OCA2: variants seen among roughly 807,000 people sequenced by gnomAD.
The protein encoded by OCA2 is OCA2 melanosomal transmembrane protein.
OCA2 carries 77 observed loss-of-function variants against 100.2 expected under a neutral mutation model. The ratio of observed to expected loss-of-function variants is 0.77; its 90% confidence interval spans 0.64 to 0.93. OCA2 has a LOEUF of 0.93. Ranked by LOEUF, OCA2 falls within the 40% of genes least tolerant of loss-of-function variation. OCA2 has a pLI of 0.00. For missense variants in OCA2, 1,062 were observed against 1,089.1 expected (o/e 0.98, Z 0.35); for synonymous variants, 432 against 439.2 (o/e 0.98, Z 0.21).
At chr15:27,799,776 A>T (rs1413258632) in intron 23 of OCA2, among the ~76,000 whole-genome samples, 1 of 151,990 alleles carries the variant, frequency 6.6e-6, no homozygotes, top group Non-Finnish European at 1.5e-5. Flanking sequence ...GCAAAAATTG[A>T]ACAGAAATCT....
At chr15:27,965,135 G>C (rs1167957414) in intron 15 of OCA2, among the ~76,000 whole-genome samples, 1 of 152,148 alleles carries the variant, frequency 6.6e-6, no homozygotes, top group African/African-American at 2.4e-5. Context: ...GGCTGGCATA[G>C]TTGGGCAGGA....
intron 1 of OCA2, among the ~76,000 whole-genome samples, chr15:28,092,560 C>T (rs187655441): frequency 1.5e-4 from 23 of 152,156 alleles, no homozygotes; most frequent in South Asian, 1.2e-3. Context: ...ACTATGGTGC[C>T]CAGTCTGGTC....
intron 9 of OCA2, among the ~76,000 whole-genome samples, chr15:28,001,641 T>C (rs766446507): frequency 1.3e-5 from 2 of 152,138 alleles, no homozygotes; most frequent in East Asian, 1.9e-4. Context: ...GGAGGAAGGG[T>C]GCAGGAAAAA....
intron 23 of OCA2, among the ~76,000 whole-genome samples, chr15:27,829,897 C>G (rs1056297053): frequency 2.0e-5 from 3 of 152,156 alleles, no homozygotes; most frequent in African/African-American, 7.2e-5. Flanking sequence ...CCCTCTAGGA[C>G]TATCACACAC....
chr15:27,849,169 G>A (rs2035653537), intron 22 of OCA2, among the ~76,000 whole-genome samples: 1 of 145,664 alleles, frequency 6.9e-6, no homozygotes, highest in Admixed American at 6.7e-5. Flanking sequence ...ATGCTGCCTG[G>A]ATTGGTGTGA....
At chr15:27,882,042 C>G (rs111408124) in intron 19 of OCA2, among the ~76,000 whole-genome samples, 2,367 of 152,220 alleles carry the variant, frequency 0.016, 54 homozygotes, top group African/African-American at 0.05. Flanking sequence ...ACTGCTTTAG[C>G]TGCATCCCAG....
the OCA2 span, among the ~76,000 whole-genome samples, chr15:27,730,159 C>A: frequency 1.3e-5 from 2 of 152,202 alleles, no homozygotes; most frequent in African/African-American, 4.8e-5. Flanking sequence ...TCACACAGCT[C>A]CTCCTCTGGT....
chr15:27,785,967 A>G (rs1339780978), intron 23 of OCA2, among the ~76,000 whole-genome samples: 1 of 152,252 alleles, frequency 6.6e-6, no homozygotes, highest in Non-Finnish European at 1.5e-5. Flanking sequence ...GCATTACGCT[A>G]AGTGAAAGAA....
In OCA2 at chr15:27,985,149, TG is replaced by T; in HGVS notation, c.1278del (p.Ile427SerfsTer26). 1.9e-6 allele frequency: 3 copies of T among 1,613,956 alleles called. No individual in the cohort carries two copies. The highest frequency in any genetic ancestry group is 2.5e-6 in the Non-Finnish European group (3 of 1,180,014). On this transcript the variant is annotated frameshift_variant, in exon 13 of 24. Transcript: ENST00000354638. LOFTEE classifies it high-confidence loss of function. ...RLSRGRVWAM[I>X]IMLCLIAAVL... ...ACGGCCGCGATGAGACAGAGCATGA[TG>T]ATCATGGCCCACACCCGTCCCCGGG...
At chr15:28,092,410 C>A (rs2044885503) in intron 1 of OCA2, among the ~76,000 whole-genome samples, 1 of 152,154 alleles carries the variant, frequency 6.6e-6, no homozygotes, top group Admixed American at 6.5e-5. Flanking sequence ...GGCTGGAGTG[C>A]AGTGGTGCAA....
intron 23 of OCA2, among the ~76,000 whole-genome samples, chr15:27,765,469 G>A (rs2031184599): frequency 1.3e-5 from 2 of 152,180 alleles, no homozygotes; most frequent in African/African-American, 2.4e-5. Flanking sequence ...AATCACTCAA[G>A]CACCTGGACC....
chr15:27,719,693 T>A, the OCA2 span, among the ~76,000 whole-genome samples: 9 of 152,230 alleles, frequency 5.9e-5, no homozygotes, highest in African/African-American at 2.2e-4. Context: ...TCTTAGTCCA[T>A]TTTGCATTGC....
intron 8 of OCA2, among the ~76,000 whole-genome samples, chr15:28,015,528 T>C (rs2042363854): frequency 6.6e-6 from 1 of 152,140 alleles, no homozygotes; most frequent in Non-Finnish European, 1.5e-5. Flanking sequence ...GTTATGGGGA[T>C]GACTCCTAAT....
At chr15:28,090,334 A>G (rs1008521177) in intron 1 of OCA2, among the ~76,000 whole-genome samples, 3 of 152,374 alleles carry the variant, frequency 2.0e-5, no homozygotes, top group African/African-American at 7.2e-5. Flanking sequence ...GAACTGAACA[A>G]CACCATCAAC....
intron 4 of OCA2, among the ~76,000 whole-genome samples, chr15:28,026,451 G>A (rs2042749491): frequency 6.6e-6 from 1 of 152,114 alleles, no homozygotes; most frequent in Admixed American, 6.5e-5. Flanking sequence ...ATCTCATAGC[G>A]GATTCATTGG....
At chr15:27,727,900 C>T in the OCA2 span, among the ~76,000 whole-genome samples, 3 of 152,218 alleles carry the variant, frequency 2.0e-5, no homozygotes, top group African/African-American at 7.2e-5. Flanking sequence ...TCTGCAAAGT[C>T]TCCTTTGCTG....
At chr15:27,990,729 G>T in intron 9 of OCA2, 82 bp from the exon 10 acceptor site, 1 of 1,140,138 alleles carries the variant, frequency 8.8e-7, no homozygotes, top group South Asian at 1.2e-5. Context: ...ACATGAGGGG[G>T]TCTATATCTG....
At chr15:28,080,530 G>T (rs190225839) in intron 2 of OCA2, among the ~76,000 whole-genome samples, 1 of 152,346 alleles carries the variant, frequency 6.6e-6, no homozygotes, top group African/African-American at 2.4e-5. Flanking sequence ...CTTGCAAAAG[G>T]ACAGCATAGA....
At chr15:27,796,867 C>T (rs1335532064) in intron 23 of OCA2, among the ~76,000 whole-genome samples, 2 of 152,206 alleles carry the variant, frequency 1.3e-5, no homozygotes, top group African/African-American at 2.4e-5. Flanking sequence ...CTACCCACTC[C>T]GTGTCCCTCC....
Sources: gnomAD v4.1 joint callset for allele counts (sites outside exome capture counted in the v4.1 genomes callset) on GRCh38, gnomAD v4.1.1 for gene constraint, MANE v1.5 for transcripts, NCBI Gene and HGNC (gene_info 2026-07-23, HGNC 2026-07-21) for gene names.